Variants in CLIP1 observed in about 807,000 individuals in gnomAD.
CLIP1 encodes CAP-Gly domain containing linker protein 1.
In CLIP1, 66 loss-of-function variants were observed where a neutral mutation model predicts 161.6. The ratio of observed to expected loss-of-function variants is 0.41; its 90% confidence interval spans 0.33 to 0.50. CLIP1 has a LOEUF of 0.50. CLIP1 is among the 20% of genes least tolerant of loss of function. The pLI is 0.27. For synonymous variants in CLIP1, 598 were observed against 626.2 expected, an observed-to-expected ratio of 0.96 and a Z score of 0.67; for missense variants, 1,376 against 1,702.0, an observed-to-expected ratio of 0.81 and a Z score of 3.37.
intron 7 of CLIP1, 127 bp from the exon 8 acceptor site, chr12:122,352,913 G>A (rs912061381): frequency 1.3e-6 from 1 of 749,634 alleles, no homozygotes; most frequent in African/African-American, 1.7e-5. Flanking sequence ...CAGCAATTTG[G>A]GAGGTGGAGG....
chr12:122,326,336 C>A (rs1172657637), intron 17 of CLIP1, among the ~76,000 whole-genome samples: 2 of 151,572 alleles, frequency 1.3e-5, no homozygotes, highest in Non-Finnish European at 2.9e-5. Context: ...GCAACCCCAG[C>A]GCCTTGTGAG....
chr12:122,289,814 T>TTTTTC (rs1555256286), intron 20 of CLIP1, among the ~76,000 whole-genome samples: 5 of 151,246 alleles, frequency 3.3e-5, no homozygotes, highest in Admixed American at 1.3e-4. Context: ...TGTTTTTTTT[T>TTTTTC]TTTTTTCTTT....
At chr12:122,419,869 G>A (rs1308057146) in intron 1 of CLIP1, among the ~76,000 whole-genome samples, 1 of 144,554 alleles carries the variant, frequency 6.9e-6, no homozygotes, top group African/African-American at 2.5e-5. Context: ...CTGGGAAGCG[G>A]AGGTTGCACC....
chr12:122,285,144 A>G (rs1334428904), intron 21 of CLIP1, among the ~76,000 whole-genome samples: 1 of 151,722 alleles, frequency 6.6e-6, no homozygotes, highest in African/African-American at 2.4e-5. Flanking sequence ...TGCAAGCTCC[A>G]CCATTATATT....
chr12:122,406,869 T>C (rs1956342547), intron 1 of CLIP1, among the ~76,000 whole-genome samples: 1 of 151,912 alleles, frequency 6.6e-6, no homozygotes, highest in Non-Finnish European at 1.5e-5. Context: ...TGAGTGCAGA[T>C]TTATATTCCT....
chr12:122,288,877 G>A (rs939797884), intron 20 of CLIP1, among the ~76,000 whole-genome samples: 2 of 146,270 alleles, frequency 1.4e-5, no homozygotes, highest in Non-Finnish European at 3.0e-5. Context: ...GTGCAGTGGC[G>A]TGATCTCGGC....
At chr12:122,357,960 G>A (rs1041303658) in intron 5 of CLIP1, among the ~76,000 whole-genome samples, 5 of 152,094 alleles carry the variant, frequency 3.3e-5, no homozygotes, top group African/African-American at 1.2e-4. Flanking sequence ...CATTGAGAAC[G>A]GGCCATGATG....
chr12:122,335,764 G>C (rs1952187744), intron 12 of CLIP1, among the ~76,000 whole-genome samples: 1 of 151,046 alleles, frequency 6.6e-6, no homozygotes, highest in African/African-American at 2.4e-5. Flanking sequence ...CCGAGATCGC[G>C]CCACTGCACT....
intron 1 of CLIP1, among the ~76,000 whole-genome samples, chr12:122,409,407 C>G (rs1042522308): frequency 6.7e-6 from 1 of 148,796 alleles, no homozygotes; most frequent in South Asian, 2.2e-4. Context: ...ATTACAGGCA[C>G]GAGCCACCAC....
intron 16 of CLIP1, 26 bp downstream of exon 16, chr12:122,328,235 A>G (rs1566121865): frequency 6.2e-7 from 1 of 1,613,434 alleles, no homozygotes; most frequent in African/African-American, 1.3e-5. Context: ...CTTGCCAGCC[A>G]ACAGGCCCAC....
intron 20 of CLIP1, among the ~76,000 whole-genome samples, chr12:122,294,147 T>C (rs1592997202): frequency 1.3e-5 from 2 of 150,022 alleles, no homozygotes; most frequent in Non-Finnish European, 3.0e-5. Flanking sequence ...ACTAACATGG[T>C]GAAACCCTGT....
In CLIP1 at chr12:122,366,306, CA is replaced by C. The variant is rs11458072; in HGVS notation, c.658-2200del. 1.4e-3 allele frequency among the ~76,000 whole-genome samples: 196 copies of C among 139,238 alleles called. 2 individuals are homozygous for C. In the East Asian group the frequency reaches 0.019, roughly 14 times the overall value. 91.3% of individuals were successfully genotyped at this position (139,238 alleles called of 152,430 possible). The stretch of plus-strand genomic sequence containing the variant: ...TAGGCGACAGGGAGAGACTCTGTCT[CA>C]AAAAAAAAAAAAAGTACTTCAAAAA... On this transcript the variant is annotated intron_variant, in intron 3 of 25. Transcript: ENST00000620786.
chr12:122,402,046 C>T lies in CLIP1; in HGVS notation c.-107+20475G>A, dbSNP rs142386114. On this transcript the variant is annotated intron_variant, in intron 1 of 25. Transcript: ENST00000620786. ...CAAATTAGATAATTACATTTGTTGA[C>T]AGTATTATACTTTCTAGACCAGCAC... is the stretch of plus-strand genomic sequence containing the variant. Among the ~76,000 whole-genome samples the T allele has an allele frequency of 1.1e-4, 16 of 151,782 alleles. No individual in the cohort carries two copies. The East Asian group carries it at 3.1e-3, about 29-fold the overall frequency.
At chr12:122,285,030 A>G (rs1003264844) in intron 21 of CLIP1, among the ~76,000 whole-genome samples, 1 of 152,154 alleles carries the variant, frequency 6.6e-6, no homozygotes, top group Admixed American at 6.5e-5. Context: ...AGTGCACTAC[A>G]GCACTGAATA....
At chr12:122,410,132 A>G (rs1184136382) in intron 1 of CLIP1, among the ~76,000 whole-genome samples, 2 of 151,846 alleles carry the variant, frequency 1.3e-5, no homozygotes, top group Admixed American at 6.6e-5. Context: ...TCAGCCTCCC[A>G]AAGTGCTGGG....
At chr12:122,338,402 A>G (rs1372277340) in intron 11 of CLIP1, among the ~76,000 whole-genome samples, 2 of 152,148 alleles carry the variant, frequency 1.3e-5, no homozygotes, top group African/African-American at 4.8e-5. Flanking sequence ...AAGTAGTTTG[A>G]CATTTAAATA....
chr12:122,315,842 C>T (rs1951245237), intron 19 of CLIP1, among the ~76,000 whole-genome samples: 1 of 151,748 alleles, frequency 6.6e-6, no homozygotes, highest in South Asian at 2.1e-4. Flanking sequence ...GGGGTTTCAC[C>T]GTGTTAGCCA....
intron 1 of CLIP1, among the ~76,000 whole-genome samples, chr12:122,416,228 AAGTCCTGAAC>A (rs1015341128): frequency 1.3e-5 from 2 of 152,052 alleles, no homozygotes; most frequent in Non-Finnish European, 2.9e-5. Context: ...TAGAAAAAAA[AAGTCCTGAAC>A]AGTCCTGAAC....
intron 1 of CLIP1, among the ~76,000 whole-genome samples, chr12:122,404,711 C>T (rs923965647): frequency 6.6e-6 from 1 of 151,164 alleles, no homozygotes; most frequent in Non-Finnish European, 1.5e-5. Context: ...TCCTGGCTAA[C>T]ACAGTGAAAC....
Sources: allele counts gnomAD v4.1 joint callset (sites outside exome capture counted in the v4.1 genomes callset), GRCh38; gene constraint gnomAD v4.1.1; transcripts MANE v1.5; gene names NCBI Gene and HGNC (gene_info 2026-07-23, HGNC 2026-07-21).